The following DAP3 variants were observed in gnomAD, a reference collection of about 807,000 sequenced individuals.
The protein encoded by DAP3 is small ribosomal subunit protein mS29.
DAP3 carries 28 observed loss-of-function variants against 51.9 expected under a neutral mutation model. The ratio of observed to expected loss-of-function variants is 0.54; its 90% confidence interval spans 0.40 to 0.74. DAP3 has a LOEUF of 0.74. Among genes scored for constraint, DAP3 ranks in the 30% least tolerant of loss-of-function variants. DAP3 has a pLI of 0.00. For missense variants in DAP3, 458 were observed against 483.5 expected (o/e 0.95, Z 0.49); for synonymous variants, 170 against 170.3 (o/e 1.00, Z 0.01).
In DAP3 at chr1:155,738,420, C is replaced by T; in HGVS notation, c.*178C>T. 5.8e-6 allele frequency: 3 copies of T among 517,844 alleles called. No homozygotes were observed. Among genetic ancestry groups the T allele is most frequent in the Non-Finnish European group, 1.0e-5 (3 of 295,272 alleles). 32.1% of individuals were successfully genotyped at this position (517,844 alleles called of 1,614,324 possible). The stretch of plus-strand genomic sequence containing the variant: ...AATGGGTTTCACTGTGAATGCGTGA[C>T]AATAAGATATTCCCTTGTTCCTAAA... On this transcript the variant is annotated 3_prime_UTR_variant, in exon 13 of 13. Transcript: ENST00000368336.
intron 1 of DAP3, among the ~76,000 whole-genome samples, chr1:155,708,547 T>G (rs946419162): frequency 2.1e-5 from 3 of 144,384 alleles, no homozygotes; most frequent in African/African-American, 7.7e-5. Context: ...TTTGTTTTTT[T>G]TTTTTTTTTT....
chr1:155,738,334 A>T lies in DAP3; in HGVS notation c.*92A>T. ...AAGTCGGGCAGTACACAGGAAGAGG[A>T]GCCAGGCCCTTGTACCTATGGGATT... On this transcript the variant is annotated 3_prime_UTR_variant, in exon 13 of 13. Coordinates refer to ENST00000368336, the MANE Select transcript of DAP3 (RefSeq NM_004632.4). 1 of 1,398,850 alleles carries T rather than the reference A, an allele frequency of 7.1e-7. No individual in the cohort carries two copies. The highest frequency in any genetic ancestry group is 2.4e-5 in the East Asian group (1 of 41,624). 86.7% of individuals were successfully genotyped at this position (1,398,850 alleles called of 1,614,324 possible).
chr1:155,738,285 T>A lies in DAP3; in HGVS notation c.*43T>A. 1 of 1,606,330 alleles carries A rather than the reference T, an allele frequency of 6.2e-7. No homozygotes were observed. The highest frequency in any genetic ancestry group is 8.5e-7 in the Non-Finnish European group (1 of 1,173,710). On this transcript the variant is annotated 3_prime_UTR_variant, in exon 13 of 13. Coordinates refer to ENST00000368336, the MANE Select transcript of DAP3 (RefSeq NM_004632.4). ...TGAGGAAGACAGTGGACATCTGCTT[T>A]ATGCTGGACCCAGTAAGATGAGGAA...
intron 6 of DAP3, 100 bp downstream of exon 6, chr1:155,726,119 T>C (rs1658554224): frequency 9.3e-6 from 10 of 1,079,144 alleles, no homozygotes; most frequent in East Asian, 5.5e-5. Flanking sequence ...TTTTCTTTTT[T>C]TTTTTTTTTT....
intron 1 of DAP3, among the ~76,000 whole-genome samples, chr1:155,702,580 T>C (rs182734887): frequency 1.2e-3 from 181 of 152,302 alleles, no homozygotes; most frequent in African/African-American, 3.9e-3. Context: ...AGGGGTCCAT[T>C]TTCATTCTTT....
intron 2 of DAP3, among the ~76,000 whole-genome samples, chr1:155,712,655 T>C (rs1049585114): frequency 4.0e-5 from 6 of 151,884 alleles, no homozygotes; most frequent in South Asian, 2.1e-4. Context: ...TTGCTAGCTT[T>C]TAATTTGCTT....
chr1:155,729,348 A>AT lies in DAP3; in HGVS notation c.825_826insT (p.Arg276Ter). 2.5e-6 allele frequency: 4 copies of AT among 1,613,546 alleles called. No individual in the cohort carries two copies. Among genetic ancestry groups the AT allele is most frequent in the Non-Finnish European group, 3.4e-6 (4 of 1,179,906 alleles). ...CTCTTTGGGGAAGAACCACTCTGAA[A>AT]AGAGAAGATAAAAGCCCGGTAGGAA... On this transcript the variant is annotated frameshift_variant, in exon 9 of 13. Transcript: ENST00000368336. LOFTEE classifies it high-confidence loss of function.
intron 1 of DAP3, among the ~76,000 whole-genome samples, chr1:155,695,514 G>T (rs1182588359): frequency 6.6e-6 from 1 of 152,208 alleles, no homozygotes; most frequent in Non-Finnish European, 1.5e-5. Flanking sequence ...AAGTCAGCTT[G>T]CTCATTAGCC....
intron 6 of DAP3, 159 bp downstream of exon 6, chr1:155,726,178 A>G: frequency 1.9e-6 from 1 of 520,270 alleles, no homozygotes; most frequent in Non-Finnish European, 3.2e-6. Flanking sequence ...CAGAGGCGCA[A>G]TCTCAGGTCA....
rs747307421 is a variant in DAP3 at position 155,725,393 on chromosome 1, C to A, written c.282C>A (p.Phe94Leu). ...TCCTACTTTATCAGGTGAAGACATT[C>A]AGTGAAGCTTGCCTGATGGTAAGGA... The part of the protein sequence containing the change: ...PPRFVMQVKT[F>L]SEACLMVRKP... The change falls in exon 5 of 13, where the codon TTC becomes TTA. Residue 94 changes from phenylalanine to leucine, a missense_variant. Phe to Leu is a conservative substitution (Grantham distance 22). Coordinates refer to ENST00000368336, the MANE Select transcript of DAP3 (RefSeq NM_004632.4). 6.2e-6 allele frequency: 10 copies of A among 1,613,650 alleles called. No individual in the cohort carries two copies. Among genetic ancestry groups the A allele is most frequent in the Non-Finnish European group, 8.5e-6 (10 of 1,179,820 alleles).
chr1:155,688,733 C>T (rs1653144001), upstream of DAP3: 5 of 1,518,376 alleles, frequency 3.3e-6, no homozygotes, highest in South Asian at 6.1e-5. Context: ...GCACGGCCAC[C>T]AACCGCCGCC....
At chr1:155,730,249 G>A (rs542679410) in intron 9 of DAP3, among the ~76,000 whole-genome samples, 8 of 128,216 alleles carry the variant, frequency 6.2e-5, no homozygotes, top group South Asian at 4.3e-4. Flanking sequence ...GTATATATAC[G>A]TATATATGCA....
chr1:155,707,982 A>G (rs189130550), intron 1 of DAP3, among the ~76,000 whole-genome samples: 99 of 152,218 alleles, frequency 6.5e-4, no homozygotes, highest in African/African-American at 1.9e-3. Flanking sequence ...CAGTTTTTTT[A>G]TAATTCATAC....
intron 4 of DAP3, 32 bp downstream of exon 4, chr1:155,721,650 G>T (rs573427333): frequency 1.2e-6 from 2 of 1,606,356 alleles, no homozygotes; most frequent in Non-Finnish European, 1.7e-6. Context: ...ATTGGAGGGA[G>T]CCCAGAATAC....
chr1:155,724,390 C>G (rs181197574), intron 4 of DAP3, among the ~76,000 whole-genome samples: 2 of 151,790 alleles, frequency 1.3e-5, no homozygotes, highest in East Asian at 1.9e-4. Flanking sequence ...AATCCCAGCA[C>G]CTTGGGAGGC....
intron 1 of DAP3, among the ~76,000 whole-genome samples, chr1:155,703,946 G>A (rs149563546): frequency 1.6e-3 from 246 of 152,310 alleles, no homozygotes; most frequent in East Asian, 4.4e-3. Flanking sequence ...CCAGGAGTTA[G>A]AGATCAGCCC....
intron 9 of DAP3, among the ~76,000 whole-genome samples, chr1:155,730,247 ACGT>A (rs1659097431): frequency 1.3e-5 from 2 of 149,798 alleles, no homozygotes; most frequent in African/African-American, 4.9e-5. Flanking sequence ...ATGTATATAT[ACGT>A]ATATATGCAC....
At chr1:155,738,059 C>T (rs1006450402) in intron 12 of DAP3, 98 bp from the exon 13 acceptor site, 31 of 1,131,992 alleles carry the variant, frequency 2.7e-5, no homozygotes, top group East Asian at 5.0e-5. Context: ...TACCTCAGAA[C>T]GTAATTTGGA....
chr1:155,691,154 G>A (rs1375636823), intron 1 of DAP3, among the ~76,000 whole-genome samples: 1 of 141,504 alleles, frequency 7.1e-6, no homozygotes, highest in African/African-American at 3.2e-5. Context: ...TGATCCACCT[G>A]CCTCAGCCTC....
Sources: allele counts gnomAD v4.1 joint callset (sites outside exome capture counted in the v4.1 genomes callset), GRCh38; gene constraint gnomAD v4.1.1; transcripts MANE v1.5; gene names NCBI Gene and HGNC (gene_info 2026-07-23, HGNC 2026-07-21).